RANBP2: variants seen among roughly 807,000 people sequenced by gnomAD.
The protein encoded by RANBP2 is RAN binding protein 2, also known as E3 SUMO-protein ligase RanBP2.
Under a neutral mutation model 303.6 loss-of-function variants are expected in RANBP2, and 57 were observed. That is an observed-to-expected ratio of 0.19 (90% CI 0.15 to 0.23). The LOEUF is 0.23. Ranked by LOEUF, RANBP2 falls within the 10% of genes least tolerant of loss-of-function variation. The pLI is 1.00. For synonymous variants in RANBP2, 1,167 were observed against 1,301.5 expected (o/e 0.90, Z 2.23); for missense variants, 3,138 against 3,780.8 (o/e 0.83, Z 4.46).
chr2:109,553,106 A>G, the RANBP2 span: 1 of 1,613,094 alleles, frequency 6.2e-7, no homozygotes, highest in Non-Finnish European at 8.5e-7. Flanking sequence ...AGCTTCTTTC[A>G]ATATGGCTTC....
the RANBP2 span, among the ~76,000 whole-genome samples, chr2:109,541,974 T>C: frequency 1.3e-5 from 2 of 152,230 alleles, no homozygotes; most frequent in African/African-American, 2.4e-5. Flanking sequence ...GTAATGCTTT[T>C]TCCTTGTGTT....
At chr2:109,729,417 C>T in the RANBP2 span, among the ~76,000 whole-genome samples, 1 of 152,208 alleles carries the variant, frequency 6.6e-6, no homozygotes, top group Non-Finnish European at 1.5e-5. Context: ...GAGGCTGAGG[C>T]GGGCAGATAA....
In RANBP2 at chr2:108,748,936, C is replaced by G. The variant is rs1273282090; in HGVS notation, c.1080C>G (p.Asn360Lys). The G allele has an allele frequency of 1.2e-6, 2 of 1,611,854 alleles. No individual in the cohort carries two copies. The highest frequency in any genetic ancestry group is 2.2e-5 in the South Asian group (2 of 90,980). Residue 360 changes from asparagine (N) to lysine (K), a missense_variant, in exon 9 of 29, where the codon AAC becomes AAG. Around this residue, in one of 20 missense-constraint regions of RANBP2, gnomAD observed 95 missense variants for 86.4 expected, o/e 1.10. Transcript: ENST00000283195. ...RLSQSGHMLLNLSRGKQDFLK... is the reference protein window; with the variant it reads ...RLSQSGHMLLKLSRGKQDFLK... ...TTTTTTCAGGGCACATGTTGCTAAA[C>G]TTAAGTCGTGGCAAGCAAGATTTTT...
the RANBP2 span, among the ~76,000 whole-genome samples, chr2:109,269,085 C>T: frequency 6.6e-6 from 1 of 152,162 alleles, no homozygotes; most frequent in African/African-American, 2.4e-5. Context: ...GTCCATGGAG[C>T]CACGAGGCAC....
the RANBP2 span, among the ~76,000 whole-genome samples, chr2:109,676,351 C>A: frequency 6.6e-6 from 1 of 152,248 alleles, no homozygotes; most frequent in Admixed American, 6.5e-5. Flanking sequence ...TCAGGCCCTC[C>A]AACTCAGTAA....
At chr2:109,277,372 A>ATG in the RANBP2 span, among the ~76,000 whole-genome samples, 1 of 152,154 alleles carries the variant, frequency 6.6e-6, no homozygotes, top group African/African-American at 2.4e-5. Flanking sequence ...ACTGCTCTTT[A>ATG]TGTGACCCCG....
the RANBP2 span, among the ~76,000 whole-genome samples, chr2:108,843,844 T>TTGTGTGTGTG: frequency 0.012 from 270 of 22,820 alleles, 12 homozygotes; most frequent in African/African-American, 0.016. Flanking sequence ...AGTTCATGTT[T>TTGTGTGTGTG]TGTGTGTGTG....
At chr2:109,702,456 C>T in the RANBP2 span, among the ~76,000 whole-genome samples, 1 of 152,198 alleles carries the variant, frequency 6.6e-6, no homozygotes, top group East Asian at 1.9e-4. Context: ...TGACCTGCCA[C>T]CCACCACCTG....
At chr2:108,862,787 G>A in the RANBP2 span, among the ~76,000 whole-genome samples, 1 of 151,750 alleles carries the variant, frequency 6.6e-6, no homozygotes, top group Non-Finnish European at 1.5e-5. Context: ...CTTGATGTTG[G>A]CCACCTTTTG....
At chr2:109,624,450 G>C in the RANBP2 span, among the ~76,000 whole-genome samples, 9 of 152,184 alleles carry the variant, frequency 5.9e-5, no homozygotes, top group Admixed American at 2.0e-4. Context: ...TTCACTACTA[G>C]AGTGTTCTTC....
chr2:109,238,316 T>A, the RANBP2 span, among the ~76,000 whole-genome samples: 3 of 152,248 alleles, frequency 2.0e-5, no homozygotes, highest in Admixed American at 6.5e-5. Context: ...ACTGTATTTT[T>A]AAAAATCTTA....
chr2:108,938,591 TTC>T, the RANBP2 span, among the ~76,000 whole-genome samples: 2 of 152,202 alleles, frequency 1.3e-5, no homozygotes, highest in African/African-American at 2.4e-5. Flanking sequence ...ACAATTTCAT[TTC>T]TGTTTCATTG....
chr2:108,743,892 A>G (rs1696309023), intron 7 of RANBP2, among the ~76,000 whole-genome samples: 1 of 152,216 alleles, frequency 6.6e-6, no homozygotes, highest in African/African-American at 2.4e-5. Flanking sequence ...AACATCTTAG[A>G]TGCTTGTATT....
chr2:108,777,637 T>C lies in RANBP2; in HGVS notation c.8599+406T>C, dbSNP rs181228047. On this transcript the variant is annotated intron_variant, in intron 25 of 28. Coordinates refer to ENST00000283195, the MANE Select transcript of RANBP2 (RefSeq NM_006267.5). Reference sequence around the variant, plus strand: ...CTATCTTTGGATTTCAGTATTAGGGTTGTGCTAATTTATTGTGCTAAGTTT... The same window carrying C: ...CTATCTTTGGATTTCAGTATTAGGGCTGTGCTAATTTATTGTGCTAAGTTT... 2.1e-3 allele frequency among the ~76,000 whole-genome samples: 313 copies of C among 152,228 alleles called. 3 individuals carry two copies. The highest frequency in any genetic ancestry group is 7.0e-3 in the African/African-American group (289 of 41,562).
At chr2:109,794,596 CGG>C in the RANBP2 span, 3 of 903,066 alleles carry the variant, frequency 3.3e-6, no homozygotes, top group African/African-American at 4.2e-5. Context: ...GCGGCGGCGG[CGG>C]CGGCGGCGGC....
chr2:109,093,684 AAGCTATAT>A, the RANBP2 span, among the ~76,000 whole-genome samples: 6 of 152,150 alleles, frequency 3.9e-5, no homozygotes, highest in Non-Finnish European at 8.8e-5. Context: ...ACTGATATAC[AAGCTATAT>A]GTATTTAAAA....
chr2:109,760,099 C>A, the RANBP2 span, among the ~76,000 whole-genome samples: 2 of 132,544 alleles, frequency 1.5e-5, no homozygotes, highest in African/African-American at 5.8e-5. Context: ...ACTTCTGAAT[C>A]TAATTAATGT....
the RANBP2 span, among the ~76,000 whole-genome samples, chr2:109,302,075 CT>C: frequency 6.6e-6 from 1 of 152,186 alleles, no homozygotes; most frequent in Non-Finnish European, 1.5e-5. Flanking sequence ...ATTCTGCCCA[CT>C]GTGTCTTCTC....
chr2:109,508,474 C>G, the RANBP2 span, among the ~76,000 whole-genome samples: 1 of 152,150 alleles, frequency 6.6e-6, no homozygotes, highest in South Asian at 2.1e-4. Context: ...CAAAAGCACG[C>G]GTCTTCCGAG....
Sources: gnomAD v4.1 joint callset for allele counts (sites outside exome capture counted in the v4.1 genomes callset) on GRCh38, gnomAD v4.1.1 for gene constraint, gnomAD v4.1.1 regional missense constraint, MANE v1.5 for transcripts, NCBI Gene and HGNC (gene_info 2026-07-23, HGNC 2026-07-21) for gene names.